TLR1: variants seen among roughly 807,000 people sequenced by gnomAD.
TLR1 encodes the protein toll-like receptor 1.
In TLR1, 19 loss-of-function variants were observed where a neutral mutation model predicts 20.2. That is an observed-to-expected ratio of 0.94 (90% CI 0.66 to 1.38). The LOEUF is 1.38. Among genes scored for constraint, TLR1 ranks in the 40% most tolerant of loss-of-function variants. The pLI, the probability that TLR1 is intolerant of heterozygous loss-of-function variation, is 0.00. For synonymous variants in TLR1, 320 were observed against 334.5 expected (o/e 0.96, Z 0.47); for missense variants, 921 against 910.0 (o/e 1.01, Z -0.16).
In TLR1 at chr4:38,798,100, T is replaced by C; in HGVS notation, c.732A>G (p.Pro244=). The C allele has an allele frequency of 5.6e-6, 9 of 1,613,606 alleles. No individual in the cohort carries two copies. The highest frequency in any genetic ancestry group is 1.7e-4 in the Middle Eastern group (1 of 6,058). ...LSILAKLQTN[P]KLSNLTLNNI... ...TGTTTAAGGTAAGATTTGATAACTT[T>C]GGATTTGTTTGAAGTTTCGCCAGAA... The change falls in exon 4 of 4, where the codon CCA becomes CCG. Residue 244 remains proline, a synonymous_variant. Transcript: ENST00000308979.
chr4:38,792,853 T>TTATA (rs72518392), downstream of TLR1, among the ~76,000 whole-genome samples: 1,474 of 122,220 alleles, frequency 0.012, 90 homozygotes, highest in African/African-American at 0.035. Context: ...TATTTTCAAA[T>TTATA]TATATATATA....
rs5743616 is a variant in TLR1 at position 38,797,155 on chromosome 4, C to T, written c.1677G>A (p.Pro559=). ...TTAGTAGGGTTCCTCTATAACTTTC[C>T]GGGTAGTCACACTTATAAGAATCAG... ...GWPDSYKCDY[P]ESYRGTLLKD... The change falls in exon 4 of 4, where the codon CCG becomes CCA. Residue 559 remains proline, a synonymous_variant. Coordinates refer to ENST00000308979, the MANE Select transcript of TLR1 (RefSeq NM_003263.4). The T allele has an allele frequency of 2.7e-4, 430 of 1,614,134 alleles. 1 individual carries two copies. The highest frequency in any genetic ancestry group is 4.9e-4 in the Middle Eastern group (3 of 6,062).
In TLR1 at chr4:38,797,838, T is replaced by G. The variant is rs917546913; in HGVS notation, c.994A>C (p.Thr332Pro). The change falls in exon 4 of 4, where the codon ACA becomes CCA. Residue 332 changes from threonine (T) to proline (P), a missense_variant. Physicochemically the swap from Thr to Pro is conservative, Grantham distance 38. Transcript: ENST00000308979. ...TGGACCATGCGTGTACCAGACACTG[T>G]GAAATTTTTGATGTTCATATTCGAA... ...IFSNMNIKNF[T>P]VSGTRMVHML... is the part of the protein sequence containing the mutation. 8 of 1,613,888 alleles carry G rather than the reference T, an allele frequency of 5.0e-6. No individual in the cohort carries two copies. Among genetic ancestry groups the G allele is most frequent in the Non-Finnish European group, 6.8e-6 (8 of 1,179,884 alleles).
downstream of TLR1, among the ~76,000 whole-genome samples, chr4:38,794,258 T>C (rs1725885773): frequency 6.6e-6 from 1 of 152,222 alleles, no homozygotes; most frequent in Non-Finnish European, 1.5e-5. Context: ...AAAATCCAGT[T>C]CTTACAATTT....
chr4:38,797,226 C>A lies in TLR1; in HGVS notation c.1606G>T (p.Val536Phe). The change falls in exon 4 of 4, where the codon GTC (valine) becomes TTC (phenylalanine). Residue 536 changes from valine to phenylalanine, a missense_variant. Transcript: ENST00000308979. ...CTTGATACTTGGTCTATATTTTTGA[C>A]AAATTCTCCTAGCTCACAGGTACAT... is the stretch of plus-strand genomic sequence containing the variant. ...FQCTCELGEFVKNIDQVSSEV... is the reference protein window; with the variant it reads ...FQCTCELGEFFKNIDQVSSEV... The A allele has an allele frequency of 6.2e-7, 1 of 1,614,254 alleles. No homozygotes were observed. Among genetic ancestry groups the A allele is most frequent in the South Asian group, 1.1e-5 (1 of 91,092 alleles).
chr4:38,791,431 T>C (rs988478252), downstream of TLR1, among the ~76,000 whole-genome samples: 1 of 152,226 alleles, frequency 6.6e-6, no homozygotes, highest in Non-Finnish European at 1.5e-5. Flanking sequence ...TTAGTGCTTT[T>C]CTATTTTATT....
downstream of TLR1, chr4:38,794,399 G>A (rs752992810): frequency 2.6e-5 from 4 of 152,108 alleles, no homozygotes; most frequent in Non-Finnish European, 4.4e-5. Flanking sequence ...CTCTAACTCC[G>A]TGGTTTGACT....
At chr4:38,802,160 G>T (rs1256724357) in intron 2 of TLR1, among the ~76,000 whole-genome samples, 2 of 152,182 alleles carry the variant, frequency 1.3e-5, no homozygotes, top group African/African-American at 4.8e-5. Flanking sequence ...TCATGCCATT[G>T]CACTCCAGCC....
In TLR1 at chr4:38,796,524, C is replaced by T. The variant is rs761172313; in HGVS notation, c.2308G>A (p.Ala770Thr). The stretch of plus-strand genomic sequence containing the variant: ...ATATTAATGGCTGCCCTTAAGTTAG[C>T]CCAAAAAAGGCCACGTTTGCTCTTT... ...KEKSKRGLFW[A>T]NLRAAINIKL... Residue 770 changes from alanine to threonine, a missense_variant, in exon 4 of 4, where the codon GCT becomes ACT. By Grantham distance (58) the Ala-to-Thr change is moderately conservative. Transcript: ENST00000308979. The T allele has an allele frequency of 6.2e-7, 1 of 1,614,056 alleles. No homozygotes were observed. Among genetic ancestry groups the T allele is most frequent in the South Asian group, 1.1e-5 (1 of 91,080 alleles).
Position 38,797,472 on chromosome 4 carries a change from T to C in TLR1, c.1360A>G (p.Ser454Gly). 1.2e-6 allele frequency: 2 copies of C among 1,614,226 alleles called. No individual in the cohort carries two copies. The highest frequency in any genetic ancestry group is 2.2e-5 in the East Asian group (1 of 44,888). Residue 454 changes from serine (S) to glycine (G), a missense_variant, in exon 4 of 4, where the codon AGC becomes GGC. Ser to Gly is a moderately conservative substitution (Grantham distance 56). Coordinates refer to ENST00000308979, the MANE Select transcript of TLR1 (RefSeq NM_003263.4). ...PPRIKVLDLH[S>G]NKIKSIPKQV... ...TTAGGAATGCTCTTTATTTTATTGC[T>C]GTGAAGATCAAGTACCTTGATCCTG...
At chr4:38,793,423 T>G (rs1410009793), downstream of TLR1, among the ~76,000 whole-genome samples, 1 of 152,184 alleles carries the variant, frequency 6.6e-6, no homozygotes, top group Non-Finnish European at 1.5e-5. Flanking sequence ...CAGACTTGAT[T>G]AAGGGCTTGC....
chr4:38,796,443 G>A lies in TLR1; in HGVS notation c.*28C>T. ...CTTCCAAAAGCAGCAATATCAACAG[G>A]AGGAATATTTTTCACTTGATGTGTA... On this transcript the variant is annotated 3_prime_UTR_variant, in exon 4 of 4. Coordinates refer to ENST00000308979, the MANE Select transcript of TLR1 (RefSeq NM_003263.4). 1.3e-6 allele frequency: 2 copies of A among 1,593,140 alleles called. No homozygotes were observed. Among genetic ancestry groups the A allele is most frequent in the Non-Finnish European group, 1.7e-6 (2 of 1,165,868 alleles).
rs1447833170 is a variant in TLR1, at chr4:38,798,465, A to G, written c.367T>C (p.Phe123Leu). ...TVNLKHLDLSFNAFDALPICK... is the reference protein window; with the variant it reads ...TVNLKHLDLSLNAFDALPICK... ...ATAGGCAGGGCATCAAATGCATTAA[A>G]TGACAGGTCCAAGTGCTTGAGGTTC... Residue 123 changes from phenylalanine (F) to leucine (L), a missense_variant, in exon 4 of 4, where the codon TTT becomes CTT. Transcript: ENST00000308979. 1.9e-6 allele frequency: 3 copies of G among 1,613,980 alleles called. No individual in the cohort carries two copies. In the Admixed American group the frequency reaches 5.0e-5, roughly 27 times the overall value.
chr4:38,802,751 G>C (rs1356084752), intron 2 of TLR1, among the ~76,000 whole-genome samples: 1 of 152,190 alleles, frequency 6.6e-6, no homozygotes, highest in Non-Finnish European at 1.5e-5. Context: ...ATAGGCCAAG[G>C]TAAACATCCA....
chr4:38,797,445 G>C lies in TLR1; in HGVS notation c.1387C>G (p.Gln463Glu). Residue 463 changes from glutamine to glutamate, a missense_variant, in exon 4 of 4, where the codon CAA (glutamine) becomes GAA (glutamate). By Grantham distance (29) the Gln-to-Glu change is conservative. Transcript: ENST00000308979. ...HSNKIKSIPK[Q>E]VVKLEALQEL... ...TGCAAAGCTTCCAGTTTTACGACTT[G>C]TTTAGGAATGCTCTTTATTTTATTG... 1 of 1,614,180 alleles carries C rather than the reference G, an allele frequency of 6.2e-7. No individual in the cohort carries two copies. The highest frequency in any genetic ancestry group is 8.5e-7 in the Non-Finnish European group (1 of 1,180,038).
downstream of TLR1, among the ~76,000 whole-genome samples, chr4:38,789,035 T>C (rs1725660224): frequency 2.0e-5 from 3 of 152,140 alleles, no homozygotes; most frequent in Admixed American, 2.0e-4. Flanking sequence ...AATAAAGCTA[T>C]ATTTAAAACA....
At chr4:38,791,988 G>A (rs1193709596), downstream of TLR1, among the ~76,000 whole-genome samples, 2 of 152,174 alleles carry the variant, frequency 1.3e-5, no homozygotes, top group East Asian at 1.9e-4. Flanking sequence ...CACCTCTAGA[G>A]TGAATAGCCA....
chr4:38,796,197 T>TC (rs530306526), downstream of TLR1: 65 of 407,192 alleles, frequency 1.6e-4, no homozygotes, highest in Non-Finnish European at 2.5e-4. Flanking sequence ...AACAGGTGCT[T>TC]CCCTTGACTT....
rs962222000 is a variant in TLR1, at chr4:38,796,293, T to A, written c.*178A>T. 11 of 655,176 alleles carry A rather than the reference T, an allele frequency of 1.7e-5. No homozygotes were observed. Among genetic ancestry groups the A allele is most frequent in the Non-Finnish European group, 2.5e-5 (10 of 394,952 alleles). 40.6% of individuals were successfully genotyped at this position (655,176 alleles called of 1,614,324 possible). A position where few individuals can be genotyped will look rare whatever the true frequency, so the allele number is the denominator to read the frequency against. On this transcript the variant is annotated 3_prime_UTR_variant, in exon 4 of 4. Coordinates refer to ENST00000308979, the MANE Select transcript of TLR1 (RefSeq NM_003263.4). ...CTGTTTAAATCAAAGTTATATCATTTCATTAATTTTTAATACCACATATAA... is the reference window on the plus strand; with the variant it reads ...CTGTTTAAATCAAAGTTATATCATTACATTAATTTTTAATACCACATATAA...
Sources: allele counts gnomAD v4.1 joint callset (sites outside exome capture counted in the v4.1 genomes callset), GRCh38; gene constraint gnomAD v4.1.1; transcripts MANE v1.5; gene names NCBI Gene and HGNC (gene_info 2026-07-23, HGNC 2026-07-21).